Variants in CDH18 observed in about 807,000 individuals in gnomAD.
The protein encoded by CDH18 is cadherin-18.
In CDH18, 31 loss-of-function variants were observed where a neutral mutation model predicts 67.9. The ratio of observed to expected loss-of-function variants is 0.46; its 90% confidence interval spans 0.34 to 0.62. The LOEUF (loss-of-function observed/expected upper bound fraction) is 0.62, where lower values mean the gene tolerates loss of function less well. CDH18 is among the 20% of genes least tolerant of loss of function. The pLI, the probability that CDH18 is intolerant of heterozygous loss-of-function variation, is 0.01. For missense variants in CDH18, 890 were observed against 975.5 expected (o/e 0.91, Z 1.17); for synonymous variants, 362 against 347.2 (o/e 1.04, Z -0.48).
At chr5:20,103,602 G>T (rs1237973906) in intron 2 of CDH18, among the ~76,000 whole-genome samples, 2 of 150,028 alleles carry the variant, frequency 1.3e-5, no homozygotes, top group South Asian at 2.1e-4. Context: ...GAGTGGTGGC[G>T]GGTGCCTGTA....
At chr5:20,252,391 T>C (rs1295479361) in intron 2 of CDH18, among the ~76,000 whole-genome samples, 1 of 151,732 alleles carries the variant, frequency 6.6e-6, no homozygotes, top group Non-Finnish European at 1.5e-5. Flanking sequence ...CTCATCAAAA[T>C]AGTGAAAGGT....
chr5:19,999,623 T>C (rs180786747), intron 2 of CDH18, among the ~76,000 whole-genome samples: 1 of 152,122 alleles, frequency 6.6e-6, no homozygotes, highest in African/African-American at 2.4e-5. Flanking sequence ...ATAATATTAG[T>C]AATAGTAATA....
At chr5:19,555,273 A>C (rs1267147333) in intron 8 of CDH18, among the ~76,000 whole-genome samples, 1 of 152,200 alleles carries the variant, frequency 6.6e-6, no homozygotes, top group Non-Finnish European at 1.5e-5. Flanking sequence ...GAGAATCCAC[A>C]GACCCTTTGA....
At chr5:20,108,530 A>AT (rs36085695) in intron 2 of CDH18, among the ~76,000 whole-genome samples, 27 of 149,328 alleles carry the variant, frequency 1.8e-4, no homozygotes, top group African/African-American at 2.7e-4. Flanking sequence ...TGAATTTCCC[A>AT]TTTTTTTTTT....
chr5:20,380,630 G>C (rs573786882), intron 1 of CDH18, among the ~76,000 whole-genome samples: 2 of 152,260 alleles, frequency 1.3e-5, no homozygotes, highest in South Asian at 4.1e-4. Flanking sequence ...AGTTAGGTGA[G>C]AAGTTAAGGT....
chr5:19,488,642 C>T (rs867711239), intron 11 of CDH18, among the ~76,000 whole-genome samples: 3 of 152,186 alleles, frequency 2.0e-5, no homozygotes, highest in African/African-American at 7.2e-5. Context: ...TGGTGTTTTG[C>T]ATTCCCTCAA....
intron 3 of CDH18, among the ~76,000 whole-genome samples, chr5:19,791,210 C>A (rs1776316065): frequency 6.6e-6 from 1 of 152,026 alleles, no homozygotes; most frequent in East Asian, 1.9e-4. Context: ...TTGGCTTCCT[C>A]ATTTGAAAAT....
Position 19,543,876 on chromosome 5 carries a change from T to C in CDH18, c.1383A>G (p.Ser461=), listed in dbSNP as rs762737983. 4 of 1,575,056 alleles carry C rather than the reference T, an allele frequency of 2.5e-6. No individual in the cohort carries two copies. Among genetic ancestry groups the C allele is most frequent in the Non-Finnish European group, 3.5e-6 (4 of 1,156,804 alleles). The change falls in exon 9 of 13, where the codon TCA becomes TCG. Residue 461 remains serine, a synonymous_variant. Transcript: ENST00000382275. Reference sequence around the variant, plus strand: ...ATACATAAAGTAGTTTACCAATTTCTGAAGCAGTGACTGTGATGTTGTACC... The same window carrying C: ...ATACATAAAGTAGTTTACCAATTTCCGAAGCAGTGACTGTGATGTTGTACC... ...TPWYNITVTA[S]EIDNPDLLSH...
At chr5:20,273,990 C>T (rs577014304) in intron 1 of CDH18, among the ~76,000 whole-genome samples, 54 of 151,996 alleles carry the variant, frequency 3.6e-4, no homozygotes, top group African/African-American at 1.2e-3. Context: ...TGAGTGGTGT[C>T]GGAAGAGAAG....
intron 1 of CDH18, among the ~76,000 whole-genome samples, chr5:20,451,106 C>A (rs1166473394): frequency 6.6e-6 from 1 of 152,122 alleles, no homozygotes; most frequent in Non-Finnish European, 1.5e-5. Context: ...GGGACACAGC[C>A]AAACCACATC....
chr5:20,135,290 G>C (rs2126494376), intron 2 of CDH18, among the ~76,000 whole-genome samples: 1 of 152,206 alleles, frequency 6.6e-6, no homozygotes, highest in East Asian at 1.9e-4. Flanking sequence ...TCTATTCAGG[G>C]ATTCGACTTC....
intron 2 of CDH18, among the ~76,000 whole-genome samples, chr5:20,147,588 T>C (rs1050948026): frequency 5.9e-5 from 9 of 152,186 alleles, no homozygotes; most frequent in African/African-American, 1.7e-4. Context: ...AATGTTACTG[T>C]AGACAGTGCA....
At chr5:20,297,637 G>T (rs1367182571) in intron 1 of CDH18, among the ~76,000 whole-genome samples, 2 of 152,134 alleles carry the variant, frequency 1.3e-5, no homozygotes, top group Non-Finnish European at 2.9e-5. Flanking sequence ...TATACAATTT[G>T]TCGACAGTAC....
chr5:19,976,062 A>G (rs200035841), intron 2 of CDH18, among the ~76,000 whole-genome samples: 1 of 152,122 alleles, frequency 6.6e-6, no homozygotes, highest in East Asian at 1.9e-4. Context: ...GGTGATTCAT[A>G]CTTAGCAAAT....
intron 2 of CDH18, among the ~76,000 whole-genome samples, chr5:20,214,055 A>C (rs1348503944): frequency 6.6e-6 from 1 of 152,080 alleles, no homozygotes; most frequent in Non-Finnish European, 1.5e-5. Flanking sequence ...CAGTCAAGCC[A>C]AGAGCCAAAT....
chr5:19,804,887 T>A (rs184888051), intron 3 of CDH18, among the ~76,000 whole-genome samples: 2 of 152,228 alleles, frequency 1.3e-5, no homozygotes, highest in Admixed American at 1.3e-4. Flanking sequence ...CTAAGTCTCT[T>A]CAGGAGAAAA....
intron 1 of CDH18, among the ~76,000 whole-genome samples, chr5:20,332,016 C>T (rs1739234883): frequency 6.6e-6 from 1 of 152,110 alleles, no homozygotes. Flanking sequence ...GGCAAGTAAG[C>T]CCTTCTGCCT....
At chr5:20,486,556 C>G (rs1208521737) in intron 1 of CDH18, among the ~76,000 whole-genome samples, 1 of 151,850 alleles carries the variant, frequency 6.6e-6, no homozygotes, top group Non-Finnish European at 1.5e-5. Flanking sequence ...TAACCCAGAC[C>G]TGGGAGCTGA....
chr5:19,975,062 G>A (rs566334796), intron 2 of CDH18, among the ~76,000 whole-genome samples: 1 of 152,284 alleles, frequency 6.6e-6, no homozygotes, highest in African/African-American at 2.4e-5. Context: ...TACATGTTGA[G>A]GTTCCAGAGA....
Sources: allele counts gnomAD v4.1 joint callset (sites outside exome capture counted in the v4.1 genomes callset), GRCh38; gene constraint gnomAD v4.1.1; transcripts MANE v1.5; gene names NCBI Gene and HGNC (gene_info 2026-07-23, HGNC 2026-07-21).